Variants in CERS6 observed in about 807,000 individuals in gnomAD.
The protein encoded by CERS6 is ceramide synthase 6.
CERS6 carries 26 observed loss-of-function variants against 56.8 expected under a neutral mutation model. The observed-to-expected ratio is 0.46, with a 90% CI of 0.34 to 0.63. The LOEUF (loss-of-function observed/expected upper bound fraction) is 0.63. CERS6 is among the 30% of genes least tolerant of loss of function. The pLI is 0.01. For synonymous variants in CERS6, 164 were observed against 173.3 expected (o/e 0.95, Z 0.42); for missense variants, 415 against 467.5 (o/e 0.89, Z 1.04).
At chr2:168,630,495 T>C (rs1472523904) in intron 3 of CERS6, among the ~76,000 whole-genome samples, 1 of 152,200 alleles carries the variant, frequency 6.6e-6, no homozygotes, top group East Asian at 1.9e-4. Flanking sequence ...AGATTCTATA[T>C]GCCTTCCTTT....
intron 3 of CERS6, among the ~76,000 whole-genome samples, chr2:168,567,681 C>T (rs895776479): frequency 1.3e-5 from 2 of 152,232 alleles, no homozygotes; most frequent in African/African-American, 4.8e-5. Flanking sequence ...GTGGTTCTTT[C>T]AGAGTTTCAA....
intron 1 of CERS6, among the ~76,000 whole-genome samples, chr2:168,522,678 A>G (rs1422188769): frequency 6.6e-6 from 1 of 152,044 alleles, no homozygotes; most frequent in Non-Finnish European, 1.5e-5. Context: ...AGCTGGGACT[A>G]CTGGCATGTA....
intron 1 of CERS6, among the ~76,000 whole-genome samples, chr2:168,543,593 C>T (rs1359546986): frequency 6.6e-6 from 1 of 152,022 alleles, no homozygotes; most frequent in East Asian, 1.9e-4. Flanking sequence ...TGATTCACGC[C>T]TTTTTTTGGA....
chr2:168,576,654 C>A (rs1275144808), intron 3 of CERS6, among the ~76,000 whole-genome samples: 1 of 152,062 alleles, frequency 6.6e-6, no homozygotes, highest in Non-Finnish European at 1.5e-5. Flanking sequence ...ATAAACCCAC[C>A]CAGATTCACC....
intron 3 of CERS6, among the ~76,000 whole-genome samples, chr2:168,569,392 C>T (rs1695940774): frequency 6.6e-6 from 1 of 152,194 alleles, no homozygotes; most frequent in Non-Finnish European, 1.5e-5. Flanking sequence ...AGAAGGGTGG[C>T]AGTGAGTTAC....
At chr2:168,492,370 G>T (rs1694390053) in intron 1 of CERS6, among the ~76,000 whole-genome samples, 1 of 152,192 alleles carries the variant, frequency 6.6e-6, no homozygotes, top group South Asian at 2.1e-4. Context: ...CTAATGACTA[G>T]TGATGATGAG....
Position 168,507,081 on chromosome 2 carries a change from C to T in CERS6, c.171-40515C>T, listed in dbSNP as rs576431522. ...ATGTGTGTGTGTGATCTTTAGTCTG[C>T]TCCTTAACCTTATGAGAGCAAGCTG... On this transcript the variant is annotated intron_variant, in intron 1 of 9. Transcript: ENST00000305747. Among the ~76,000 whole-genome samples the T allele has an allele frequency of 1.3e-4, 20 of 152,100 alleles. 1 individual carries two copies. The highest frequency in any genetic ancestry group is 4.8e-4 in the African/African-American group (20 of 41,514).
intron 1 of CERS6, among the ~76,000 whole-genome samples, chr2:168,477,625 GTCTT>G (rs761157482): frequency 6.6e-6 from 1 of 152,212 alleles, no homozygotes; most frequent in Admixed American, 6.5e-5. Context: ...ACTTTTGTAC[GTCTT>G]TCTTTCTTTC....
chr2:168,548,957 C>T (rs907927276), intron 2 of CERS6, among the ~76,000 whole-genome samples: 1 of 152,054 alleles, frequency 6.6e-6, no homozygotes, highest in Non-Finnish European at 1.5e-5. Context: ...ACATATCTTA[C>T]AGTATTTAAA....
intron 3 of CERS6, among the ~76,000 whole-genome samples, chr2:168,572,724 T>C (rs975092399): frequency 6.6e-6 from 1 of 152,080 alleles, no homozygotes; most frequent in Non-Finnish European, 1.5e-5. Context: ...ATATTGCACT[T>C]CTAGTTGTTC....
chr2:168,642,612 A>G (rs781596712), intron 4 of CERS6, among the ~76,000 whole-genome samples: 45 of 152,172 alleles, frequency 3.0e-4, no homozygotes, highest in Non-Finnish European at 4.4e-4. Context: ...TGGGCCCTCA[A>G]AATGGAAGAT....
intron 2 of CERS6, among the ~76,000 whole-genome samples, chr2:168,558,839 A>T (rs1173857658): frequency 6.6e-6 from 1 of 152,210 alleles, no homozygotes; most frequent in Non-Finnish European, 1.5e-5. Flanking sequence ...ACTGCACTCC[A>T]GCCTGGGCGA....
intron 1 of CERS6, among the ~76,000 whole-genome samples, chr2:168,480,909 A>T (rs916116409): frequency 6.6e-6 from 1 of 152,216 alleles, no homozygotes; most frequent in Non-Finnish European, 1.5e-5. Context: ...AGAAGTCTTG[A>T]GTAGCATGGG....
chr2:168,588,170 T>G (rs1173681818), intron 3 of CERS6, among the ~76,000 whole-genome samples: 1 of 151,702 alleles, frequency 6.6e-6, no homozygotes, highest in Non-Finnish European at 1.5e-5. Context: ...TCCTCCTGTC[T>G]CAGCCTTCCA....
chr2:168,715,961 G>T (rs981466667), intron 7 of CERS6, among the ~76,000 whole-genome samples: 23 of 151,922 alleles, frequency 1.5e-4, no homozygotes, highest in African/African-American at 5.6e-4. Context: ...TTTGCTTTAA[G>T]TGCTTTGTTT....
At chr2:168,621,990 G>A (rs1181135910) in intron 3 of CERS6, among the ~76,000 whole-genome samples, 1 of 152,320 alleles carries the variant, frequency 6.6e-6, no homozygotes, top group South Asian at 2.1e-4. Context: ...TACATTCTGA[G>A]TGAGCATAAT....
At chr2:168,460,382 A>C (rs1178335626) in intron 1 of CERS6, among the ~76,000 whole-genome samples, 2 of 151,908 alleles carry the variant, frequency 1.3e-5, no homozygotes, top group Non-Finnish European at 2.9e-5. Context: ...TTTTTTGTAG[A>C]GATGGGGTCT....
In CERS6 at chr2:168,694,983, T is replaced by C. The variant is rs1301470749; in HGVS notation, c.541T>C (p.Tyr181His). 5.6e-6 allele frequency: 9 copies of C among 1,613,484 alleles called. No homozygotes were observed. In the East Asian group the frequency reaches 1.8e-4, roughly 32 times the overall value. ...YQPLTTDLHY[Y>H]YILELSFYWS... ...GCCACTCACAACTGACCTTCACTAC[T>C]ATTACATCCTGGAGCTGTCGTTTTA... The change falls in exon 6 of 10, where the codon TAT becomes CAT. Residue 181 changes from tyrosine (Y) to histidine (H), a missense_variant. Coordinates refer to ENST00000305747, the MANE Select transcript of CERS6 (RefSeq NM_203463.3).
rs558352164 is a variant in CERS6, at chr2:168,745,417, A to AT, written c.846-20170dup. ...CCACCACGCCTAGCTAATTTTTTGT[A>AT]TTTTTAGTAGAGACGGGGTTTCACC... On this transcript the variant is annotated intron_variant, in intron 8 of 9. Transcript: ENST00000305747. Among the ~76,000 whole-genome samples the AT allele has an allele frequency of 2.0e-5, 3 of 151,982 alleles. No individual in the cohort carries two copies. The South Asian group carries it at 6.2e-4, about 32-fold the overall frequency.
Sources: allele counts gnomAD v4.1 joint callset (sites outside exome capture counted in the v4.1 genomes callset), GRCh38; gene constraint gnomAD v4.1.1; transcripts MANE v1.5; gene names NCBI Gene and HGNC (gene_info 2026-07-23, HGNC 2026-07-21).